Variants in DGCR2 observed in about 807,000 individuals in gnomAD.
DGCR2 encodes the protein integral membrane protein DGCR2/IDD.
In DGCR2, 24 loss-of-function variants were observed where a neutral mutation model predicts 51.6. That is an observed-to-expected ratio of 0.47 (90% confidence interval 0.34 to 0.65). The LOEUF is 0.65. DGCR2 is among the 30% of genes least tolerant of loss of function. The probability of loss-of-function intolerance (pLI) is 0.01; values close to 1 mark genes in which losing one functional copy is unlikely to be tolerated. For synonymous variants in DGCR2, 340 were observed against 315.4 expected, an observed-to-expected ratio of 1.08 and a Z score of -0.82; for missense variants, 765 against 772.1, an observed-to-expected ratio of 0.99 and a Z score of 0.11.
intron 3 of DGCR2, among the ~76,000 whole-genome samples, chr22:19,067,756 G>A (rs1296540070): frequency 6.6e-6 from 1 of 152,076 alleles, no homozygotes; most frequent in East Asian, 1.9e-4. Flanking sequence ...CCATTTTATT[G>A]CTGTATCTAA....
intron 1 of DGCR2, among the ~76,000 whole-genome samples, chr22:19,110,569 T>A (rs965514656): frequency 2.0e-5 from 3 of 151,748 alleles, no homozygotes; most frequent in African/African-American, 7.3e-5. Flanking sequence ...GGCACATGTA[T>A]GCCTATGTAA....
intron 8 of DGCR2, chr22:19,041,571 T>A: frequency 1.7e-6 from 1 of 605,192 alleles, no homozygotes; most frequent in South Asian, 2.1e-5. Flanking sequence ...GGAAGGGTGA[T>A]CCGGGCCTCT....
At chr22:19,059,724 TG>T (rs1437064565) in intron 5 of DGCR2, among the ~76,000 whole-genome samples, 1 of 152,006 alleles carries the variant, frequency 6.6e-6, no homozygotes, top group African/African-American at 2.4e-5. Flanking sequence ...ACGGGAGCCT[TG>T]GGCTGGGCCG....
chr22:19,066,521 C>A (rs547027007), intron 3 of DGCR2, among the ~76,000 whole-genome samples: 1 of 152,352 alleles, frequency 6.6e-6, no homozygotes, highest in East Asian at 1.9e-4. Context: ...TCCTGGGTGC[C>A]ACACCAATGC....
rs142981290 is a variant in DGCR2, at chr22:19,053,576, C to A, written c.802+3410G>T. Among the ~76,000 whole-genome samples, 32 of 152,250 alleles carry A rather than the reference C, an allele frequency of 2.1e-4. 1 individual carries two copies. The East Asian group carries it at 5.8e-3, about 28-fold the overall frequency. ...ACTAAAGACCTCCCCACAAGAAAGG[C>A]CTAGTGGAAGTAAAGGCATAGCCAC... On this transcript the variant is annotated intron_variant, in intron 6 of 9. Transcript: ENST00000263196.
chr22:19,100,492 C>T lies in DGCR2; in HGVS notation c.80-11002G>A, dbSNP rs149923149. ...CATCCTGGCTAACATGGTGAAACCC[C>T]GTCTCTACTAAAAACACAAAAAAAT... On this transcript the variant is annotated intron_variant, in intron 1 of 9. Transcript: ENST00000263196. Among the ~76,000 whole-genome samples the T allele has an allele frequency of 3.3e-3, 503 of 151,986 alleles. 1 individual carries two copies. Among genetic ancestry groups the T allele is most frequent in the Admixed American group, 3.3e-3 (50 of 15,268 alleles).
rs1350237277 is a variant in DGCR2 at position 19,038,905 on chromosome 22, C to T, written c.1613G>A (p.Gly538Asp). 1 of 1,612,744 alleles carries T rather than the reference C, an allele frequency of 6.2e-7. No homozygotes were observed. Among genetic ancestry groups the T allele is most frequent in the Admixed American group, 1.7e-5 (1 of 59,986 alleles). The change falls in exon 10 of 10, where the codon GGT (glycine) becomes GAT (aspartate). Residue 538 changes from glycine (G) to aspartate (D), a missense_variant. By Grantham distance (94) the Gly-to-Asp change is moderately conservative. Around this residue, in one of 3 missense-constraint regions of DGCR2, gnomAD observed 205 missense variants for 181.4 expected, o/e 1.13. Transcript: ENST00000263196. ...GAGGGAGCTGCGGCTGTGGCGGCCA[C>T]CCCCTGGCAGTGCCTCTGCAGCTGG... Reference protein sequence around the residue: ...STPAAEALPGGGRHSRSSLNT... With the variant: ...STPAAEALPGDGRHSRSSLNT...
intron 2 of DGCR2, among the ~76,000 whole-genome samples, chr22:19,077,813 T>C (rs1021465488): frequency 6.6e-6 from 1 of 151,080 alleles, no homozygotes; most frequent in African/African-American, 2.5e-5. Context: ...GCATGGAACA[T>C]CTCTCAATTT....
At chr22:19,105,671 C>T (rs1337597151) in intron 1 of DGCR2, among the ~76,000 whole-genome samples, 2 of 149,508 alleles carry the variant, frequency 1.3e-5, no homozygotes, top group Non-Finnish European at 1.5e-5. Flanking sequence ...ACGCGGCTGG[C>T]GATGGAGGAG....
intron 2 of DGCR2, among the ~76,000 whole-genome samples, chr22:19,082,245 T>TTC (rs1306338244): frequency 5.4e-5 from 8 of 147,254 alleles, no homozygotes; most frequent in African/African-American, 1.3e-4. Flanking sequence ...TTTTTTTTTT[T>TTC]CATAGAGACA....
At chr22:19,050,121 G>C (rs2082533817) in intron 6 of DGCR2, among the ~76,000 whole-genome samples, 1 of 152,136 alleles carries the variant, frequency 6.6e-6, no homozygotes, top group Non-Finnish European at 1.5e-5. Context: ...ATACATCCAG[G>C]AAGCTCAACA....
chr22:19,089,561 G>A lies in DGCR2; in HGVS notation c.80-71C>T, dbSNP rs374217217. On this transcript the variant is annotated intron_variant, in intron 1 of 9. Transcript: ENST00000263196. ...CCAGCAAACCATAGCCCATGGGCTG[G>A]ATCAATCTCTTCCCATTTGTTTGTT... The A allele has an allele frequency of 5.8e-5, 80 of 1,384,520 alleles. No individual in the cohort carries two copies. The East Asian group carries it at 7.3e-4, about 13-fold the overall frequency. The allele number at this position is 1,384,520 out of a possible 1,614,324, so 85.8% of individuals were successfully genotyped here. A position where few individuals can be genotyped will look rare whatever the true frequency, so the allele number is the denominator to read the frequency against.
rs965432090 is a variant in DGCR2 at position 19,072,890 on chromosome 22, AT to A, written c.203-4666del. Among the ~76,000 whole-genome samples the A allele has an allele frequency of 1.9e-3, 281 of 151,450 alleles. 1 individual carries two copies. Among genetic ancestry groups the A allele is most frequent in the Non-Finnish European group, 2.2e-3 (147 of 67,770 alleles). On this transcript the variant is annotated intron_variant, in intron 2 of 9. Coordinates refer to ENST00000263196, the MANE Select transcript of DGCR2 (RefSeq NM_005137.3). ...TCTGTCTAAAAAATAAATAAATAAA[AT>A]TTTTTTTTAAAAAAAAGGAAAATGC...
chr22:19,039,932 T>C (rs966834093), intron 9 of DGCR2, among the ~76,000 whole-genome samples: 6 of 152,114 alleles, frequency 3.9e-5, no homozygotes, highest in African/African-American at 1.4e-4. Context: ...CGAACCAACC[T>C]GGGCAACATA....
chr22:19,072,324 G>A (rs1190833163), intron 2 of DGCR2, among the ~76,000 whole-genome samples: 2 of 152,152 alleles, frequency 1.3e-5, no homozygotes, highest in African/African-American at 4.8e-5. Context: ...CCCAACAGGA[G>A]GAGATTCCCA....
At chr22:19,068,056 C>T (rs377091199) in intron 3 of DGCR2, 44 bp downstream of exon 3, 1 of 1,508,842 alleles carries the variant, frequency 6.6e-7, no homozygotes, top group African/African-American at 1.4e-5. Context: ...TCATGTCAGG[C>T]TTGCACTCCC....
At chr22:19,121,979 A>T (rs956870766) in intron 1 of DGCR2, 149 bp downstream of exon 1, 16 of 367,398 alleles carry the variant, frequency 4.4e-5, no homozygotes, top group Non-Finnish European at 6.2e-5. Context: ...GTCCGCAGAG[A>T]GTGCCAGGCG....
At chr22:19,097,004 A>G (rs1003321725) in intron 1 of DGCR2, among the ~76,000 whole-genome samples, 2 of 152,148 alleles carry the variant, frequency 1.3e-5, no homozygotes, top group African/African-American at 4.8e-5. Context: ...AAAAACTTCA[A>G]TGCACTACCT....
intron 1 of DGCR2, among the ~76,000 whole-genome samples, chr22:19,109,825 GA>G (rs2083295960): frequency 6.6e-6 from 1 of 152,192 alleles, no homozygotes; most frequent in African/African-American, 2.4e-5. Context: ...GCCTAACCCT[GA>G]AAAGCACATA....
Sources: allele counts gnomAD v4.1 joint callset (sites outside exome capture counted in the v4.1 genomes callset), GRCh38; gene constraint gnomAD v4.1.1; regional missense constraint gnomAD v4.1.1; transcripts MANE v1.5; gene names NCBI Gene and HGNC (gene_info 2026-07-23, HGNC 2026-07-21).